Variants in ENG observed in about 807,000 individuals in gnomAD.
ENG encodes CD105 antigen.
Under a neutral mutation model 71.0 loss-of-function variants are expected in ENG, and 17 were observed. That is an observed-to-expected ratio of 0.24 (90% CI 0.16 to 0.36). ENG has a LOEUF of 0.36. Ranked by LOEUF, ENG falls within the 10% of genes least tolerant of loss-of-function variation. The pLI is 1.00. For missense variants in ENG, 749 were observed against 868.3 expected (o/e 0.86, Z 1.73); for synonymous variants, 360 against 366.9 (o/e 0.98, Z 0.21).
rs1195946823 is a variant in ENG, at chr9:127,815,709, G to A, written c.1950C>T (p.Thr650=). 1 of 1,561,876 alleles carries A rather than the reference G, an allele frequency of 6.4e-7. No homozygotes were observed. The highest frequency in any genetic ancestry group is 1.2e-5 in the South Asian group (1 of 85,520). Reference sequence around the variant, plus strand: ...ATGCCATGCTGCTGGTGGAGCAGGGGGTGCTCTGGGTGCTCCCGATGCTGT... The same window carrying A: ...ATGCCATGCTGCTGGTGGAGCAGGGAGTGCTCTGGGTGCTCCCGATGCTGT... ...TNHSIGSTQS[T]PCSTSSMA is the part of the protein sequence containing the mutation. The change falls in exon 15 of 15, where the codon ACC becomes ACT. Residue 650 remains threonine (T), a synonymous_variant. Coordinates refer to ENST00000373203, the MANE Select transcript of ENG (RefSeq NM_001114753.3).
In ENG at chr9:127,846,539, C is replaced by T. The variant is rs1272987180; in HGVS notation, c.68-3294G>A. On this transcript the variant is annotated intron_variant, in intron 1 of 14. Coordinates refer to ENST00000373203, the MANE Select transcript of ENG (RefSeq NM_001114753.3). The surrounding 1 kb of genome is among the most constrained non-coding windows in gnomAD (Gnocchi z 5.5). ...GCCGCCTGGGGCCGCCTCCTCCATG[C>T]CGTCAGCCAGCGGGAGAGGCCACAA... Among the ~76,000 whole-genome samples the T allele has an allele frequency of 1.3e-5, 2 of 152,220 alleles. No individual in the cohort carries two copies. Among genetic ancestry groups the T allele is most frequent in the Non-Finnish European group, 2.9e-5 (2 of 68,036 alleles).
At chr9:127,831,127 A>T (rs1402688277) in intron 2 of ENG, among the ~76,000 whole-genome samples, 1 of 151,508 alleles carries the variant, frequency 6.6e-6, no homozygotes, top group Non-Finnish European at 1.5e-5. Flanking sequence ...TAACTCATTT[A>T]ATCCTTTCAA....
At position 127,824,858 on chromosome 9, in the gene ENG, C is replaced by A. The variant is rs755739283; in HGVS notation, c.933G>T (p.Val311=). 11 of 1,608,366 alleles carry A rather than the reference C, an allele frequency of 6.8e-6. No homozygotes were observed. In the African/African-American group the frequency reaches 1.2e-4, roughly 18 times the overall value. The change falls in exon 7 of 15, where the codon GTG becomes GTT. Residue 311 remains valine (V), a synonymous_variant. Coordinates refer to ENST00000373203, the MANE Select transcript of ENG (RefSeq NM_001114753.3). The part of the protein sequence containing the change: ...GEARMLNASI[V]ASFVELPLAS... Reference sequence around the variant, plus strand: ...CCAGCGGTAGCTCCACGAAGGATGCCACAATGCTGGCATTGAGCATCCGGG... The same window carrying A: ...CCAGCGGTAGCTCCACGAAGGATGCAACAATGCTGGCATTGAGCATCCGGG...
chr9:127,833,633 T>G (rs1830823551), intron 2 of ENG, among the ~76,000 whole-genome samples: 1 of 151,456 alleles, frequency 6.6e-6, no homozygotes, highest in Admixed American at 6.6e-5. Flanking sequence ...CCCAGTGCTC[T>G]CATACAAAAG....
intron 1 of ENG, among the ~76,000 whole-genome samples, chr9:127,845,771 A>G (rs1420178604): frequency 6.6e-6 from 1 of 152,204 alleles, no homozygotes; most frequent in East Asian, 1.9e-4. Context: ...CAGTGGTGTG[A>G]TAACAGCTCA....
At position 127,815,514 on chromosome 9, in the gene ENG, T is replaced by C. The variant is rs1764736375; in HGVS notation, c.*168A>G. ...GGGACCCCAAGGTGTTCCAAGCCAGTGGCTGCACTGGCAGCAGGCCTCTGA... is the reference window on the plus strand; with the variant it reads ...GGGACCCCAAGGTGTTCCAAGCCAGCGGCTGCACTGGCAGCAGGCCTCTGA... On this transcript the variant is annotated 3_prime_UTR_variant, in exon 15 of 15. Coordinates refer to ENST00000373203, the MANE Select transcript of ENG (RefSeq NM_001114753.3). 2.3e-5 allele frequency: 31 copies of C among 1,338,304 alleles called. No homozygotes were observed. Among genetic ancestry groups the C allele is most frequent in the Non-Finnish European group, 3.0e-5 (30 of 1,009,112 alleles). The allele number at this position is 1,338,304 out of a possible 1,614,324, so 82.9% of individuals were successfully genotyped here. A position where few individuals can be genotyped will look rare whatever the true frequency, so the allele number is the denominator to read the frequency against.
chr9:127,848,324 C>G (rs1049893375), intron 1 of ENG, among the ~76,000 whole-genome samples: 5 of 151,770 alleles, frequency 3.3e-5, no homozygotes, highest in African/African-American at 9.7e-5. Flanking sequence ...GGGTCTTGCT[C>G]TGTTTCCCAG....
intron 1 of ENG, among the ~76,000 whole-genome samples, chr9:127,845,724 T>C (rs1160619131): frequency 1.3e-5 from 2 of 152,204 alleles, no homozygotes; most frequent in Admixed American, 6.5e-5. Context: ...TGTTTATTTT[T>C]CAGACAAGGT....
intron 12 of ENG, 84 bp from the exon 13 acceptor site, chr9:127,817,287 C>T: frequency 7.1e-6 from 10 of 1,418,068 alleles, no homozygotes; most frequent in Non-Finnish European, 9.9e-6. Flanking sequence ...CCCCAGCCCA[C>T]CCTAGAGCCT....
intron 13 of ENG, 74 bp from the exon 14 acceptor site, chr9:127,816,127 G>C: frequency 6.5e-7 from 1 of 1,533,610 alleles, no homozygotes; most frequent in South Asian, 1.2e-5. Context: ...GCTGGCCCAT[G>C]TGGGCTTTGG....
chr9:127,818,028 C>T, intron 12 of ENG, 92 bp downstream of exon 12: 3 of 1,596,912 alleles, frequency 1.9e-6, no homozygotes, highest in Middle Eastern at 1.8e-4. Flanking sequence ...ACCAGCTGGC[C>T]CCACATCCCT....
At position 127,825,678 on chromosome 9, in the gene ENG, C is replaced by T. The variant is rs773103359; in HGVS notation, c.689+17G>A. On this transcript the variant is annotated intron_variant, in intron 5 of 14. Transcript: ENST00000373203. ...TCGGGGTGGGGACTAGTGTCAGGGG[C>T]GGGGCGAGAGCCATACCCGGCCGAG... The T allele has an allele frequency of 9.5e-5, 143 of 1,502,656 alleles. No individual in the cohort carries two copies. In the South Asian group the frequency reaches 1.4e-3, roughly 15 times the overall value. The allele number at this position is 1,502,656 out of a possible 1,614,324, so 93.1% of individuals were successfully genotyped here.
chr9:127,818,779 G>A lies in ENG; in HGVS notation c.1365C>T (p.Tyr455=), dbSNP rs774943840. 25 of 1,614,018 alleles carry A rather than the reference G, an allele frequency of 1.5e-5. No individual in the cohort carries two copies. The highest frequency in any genetic ancestry group is 1.6e-4 in the Middle Eastern group (1 of 6,084). ...MDSLSFQLGL[Y]LSPHFLQASN... is the part of the protein sequence containing the mutation. ...AGGCCTGGAGGAAGTGTGGGCTGAGGTAGAGGCCCAGCTGGAAAGAGAGGC... is the reference window on the plus strand; with the variant it reads ...AGGCCTGGAGGAAGTGTGGGCTGAGATAGAGGCCCAGCTGGAAAGAGAGGC... Residue 455 remains tyrosine (Y), a synonymous_variant, in exon 11 of 15, where the codon TAC becomes TAT. Coordinates refer to ENST00000373203, the MANE Select transcript of ENG (RefSeq NM_001114753.3).
intron 2 of ENG, among the ~76,000 whole-genome samples, chr9:127,837,377 C>T (rs1830923809): frequency 6.6e-6 from 1 of 152,120 alleles, no homozygotes; most frequent in Non-Finnish European, 1.5e-5. Context: ...TCCTGGTCTC[C>T]AGCCAGATGG....
chr9:127,831,229 C>T (rs566367926), intron 2 of ENG, among the ~76,000 whole-genome samples: 16 of 149,046 alleles, frequency 1.1e-4, no homozygotes, highest in Non-Finnish European at 1.6e-4. Context: ...GATGTGATCT[C>T]GGCTCACTGC....
At chr9:127,817,941 G>A in intron 12 of ENG, 179 bp downstream of exon 12, 1 of 916,176 alleles carries the variant, frequency 1.1e-6, no homozygotes, top group Non-Finnish European at 1.6e-6. Flanking sequence ...AGTCCCACCA[G>A]AAAGCTCTCG....
chr9:127,837,810 C>CCACATCCATCCATT lies in ENG; in HGVS notation c.219+5283_219+5284insAATGGATGGATGTG, dbSNP rs1554811753. 6.3e-3 allele frequency among the ~76,000 whole-genome samples: 959 copies of CCACATCCATCCATT among 151,072 alleles called. 5 individuals carry two copies. The highest frequency in any genetic ancestry group is 0.016 in the African/African-American group (645 of 40,824). On this transcript the variant is annotated intron_variant, in intron 2 of 14. Coordinates refer to ENST00000373203, the MANE Select transcript of ENG (RefSeq NM_001114753.3). ...TCCATCCATCCATCCATCCATCCAT[C>CCACATCCATCCATT]CATCCAACAGATATTGATTCCTGGG...
In ENG at chr9:127,824,889, C is replaced by G. The variant is rs1403912559; in HGVS notation, c.902G>C (p.Gly301Ala). The G allele has an allele frequency of 6.2e-7, 1 of 1,613,502 alleles. No homozygotes were observed. The highest frequency in any genetic ancestry group is 1.1e-5 in the South Asian group (1 of 91,006). ...GCTGGCATTGAGCATCCGGGCCTCCCCCAGGAGGCCTTGAGGTGTGTCTGG... is the reference window on the plus strand; with the variant it reads ...GCTGGCATTGAGCATCCGGGCCTCCGCCAGGAGGCCTTGAGGTGTGTCTGG... ...KLPDTPQGLL[G>A]EARMLNASIV... The change falls in exon 7 of 15, where the codon GGG becomes GCG. Residue 301 changes from glycine (G) to alanine (A), a missense_variant. Coordinates refer to ENST00000373203, the MANE Select transcript of ENG (RefSeq NM_001114753.3).
In ENG at chr9:127,854,542, G is replaced by A; in HGVS notation, c.-187C>T. 6.6e-6 allele frequency: 4 copies of A among 601,692 alleles called. No homozygotes were observed. The highest frequency in any genetic ancestry group is 2.1e-5 in the South Asian group (1 of 48,720). 37.3% of individuals were successfully genotyped at this position (601,692 alleles called of 1,614,324 possible). A position where few individuals can be genotyped will look rare whatever the true frequency, so the allele number is the denominator to read the frequency against. On this transcript the variant is annotated 5_prime_UTR_variant, in exon 1 of 15. Transcript: ENST00000373203. ...GGTCAGGAGAAGTGGACACAGGGAC[G>A]CGGGGCTGGGCTGGAGTTGCTGTCC...
Sources: allele counts gnomAD v4.1 joint callset (sites outside exome capture counted in the v4.1 genomes callset), GRCh38; gene constraint gnomAD v4.1.1; non-coding constraint Gnocchi (gnomAD v3.1); transcripts MANE v1.5; gene names NCBI Gene and HGNC (gene_info 2026-07-23, HGNC 2026-07-21).